The following SLC25A40 variants were observed in gnomAD, a reference collection of about 807,000 sequenced individuals.
SLC25A40 encodes solute carrier family 25 member 40.
SLC25A40 carries 41 observed loss-of-function variants against 46.5 expected under a neutral mutation model. That is an observed-to-expected ratio of 0.88 (90% CI 0.69 to 1.14). The LOEUF is 1.14. Ranked by LOEUF, SLC25A40 falls within the 50% of genes most tolerant of loss-of-function variation. SLC25A40 has a pLI of 0.00. For synonymous variants in SLC25A40, 126 were observed against 127.5 expected (o/e 0.99, Z 0.08); for missense variants, 386 against 393.6 (o/e 0.98, Z 0.16).
At position 87,858,832 on chromosome 7, in the gene SLC25A40, G is replaced by A. The variant is rs535739660; in HGVS notation, c.-24-81C>T. Reference sequence around the variant, plus strand: ...AACATCCTTCAGCTAAGCTGGGTGAGCAGCATCACATTAGTAAGACAACTA... The same window carrying A: ...AACATCCTTCAGCTAAGCTGGGTGAACAGCATCACATTAGTAAGACAACTA... On this transcript the variant is annotated intron_variant, in intron 2 of 11. Transcript: ENST00000341119. 5 of 744,950 alleles carry A rather than the reference G, an allele frequency of 6.7e-6. No homozygotes were observed. The East Asian group carries it at 1.3e-4, about 20-fold the overall frequency. 46.1% of individuals were successfully genotyped at this position (744,950 alleles called of 1,614,324 possible).
At chr7:87,853,073 A>G (rs1281687708) in intron 5 of SLC25A40, among the ~76,000 whole-genome samples, 1 of 152,222 alleles carries the variant, frequency 6.6e-6, no homozygotes, top group East Asian at 1.9e-4. Flanking sequence ...GGAAAAAAAT[A>G]TTTGCAAACC....
chr7:87,836,673 G>T, intron 11 of SLC25A40, 57 bp downstream of exon 11: 1 of 1,151,024 alleles, frequency 8.7e-7, no homozygotes, highest in Non-Finnish European at 1.2e-6. Context: ...ATTTTAGAAG[G>T]TAATATTTTA....
intron 8 of SLC25A40, among the ~76,000 whole-genome samples, chr7:87,846,098 AT>A (rs1449864452): frequency 6.6e-6 from 1 of 152,222 alleles, no homozygotes; most frequent in East Asian, 1.9e-4. Flanking sequence ...AAACAGTTAC[AT>A]ATAACACAAG....
intron 1 of SLC25A40, among the ~76,000 whole-genome samples, chr7:87,871,027 C>G (rs1007535123): frequency 6.6e-6 from 1 of 152,126 alleles, no homozygotes; most frequent in East Asian, 1.9e-4. Flanking sequence ...CACAGGCATC[C>G]CTCTCCTAGA....
rs1415766235 is a variant in SLC25A40 at position 87,833,594 on chromosome 7, A to AAAG, written c.*2652_*2654dup. 1 of 152,040 alleles carries AAAG rather than the reference A, an allele frequency of 6.6e-6. No individual in the cohort carries two copies. Among genetic ancestry groups the AAAG allele is most frequent in the African/African-American group, 2.4e-5 (1 of 41,438 alleles). 9.4% of individuals were successfully genotyped at this position (152,040 alleles called of 1,614,324 possible). A position where few individuals can be genotyped will look rare whatever the true frequency, so the allele number is the denominator to read the frequency against. ...AAAAGCAGTAATATCTTTTATTTAA[A>AAAG]AAGTTCATCTTAGAAGAAAATTCAA... On this transcript the variant is annotated 3_prime_UTR_variant, in exon 12 of 12. Coordinates refer to ENST00000341119, the MANE Select transcript of SLC25A40 (RefSeq NM_018843.4).
chr7:87,857,976 G>T (rs948814600), intron 3 of SLC25A40, among the ~76,000 whole-genome samples: 7 of 152,142 alleles, frequency 4.6e-5, no homozygotes, highest in African/African-American at 1.2e-4. Context: ...CCCTGGGGAA[G>T]GAATGCATTC....
chr7:87,836,372 A>C lies in SLC25A40; in HGVS notation c.905-11T>G. 6.9e-7 allele frequency: 1 copy of C among 1,446,932 alleles called. No individual in the cohort carries two copies. The highest frequency in any genetic ancestry group is 9.2e-7 in the Non-Finnish European group (1 of 1,083,436). The allele number at this position is 1,446,932 out of a possible 1,614,324, so 89.6% of individuals were successfully genotyped here. A position where few individuals can be genotyped will look rare whatever the true frequency, so the allele number is the denominator to read the frequency against. ...AGCGAGGAATTAGGCCTGAGAAAAG[A>C]ATAGGAATAATCAAAACAAATATTT... On this transcript the variant is annotated splice_polypyrimidine_tract_variant and intron_variant, in intron 11 of 11. Transcript: ENST00000341119.
chr7:87,872,728 G>A (rs760606219), intron 1 of SLC25A40, among the ~76,000 whole-genome samples: 21 of 152,226 alleles, frequency 1.4e-4, no homozygotes, highest in Non-Finnish European at 2.8e-4. Context: ...TTGGGAGGTC[G>A]AGGCTGGCGG....
chr7:87,854,419 G>T, intron 4 of SLC25A40, 109 bp from the exon 5 acceptor site: 1 of 658,332 alleles, frequency 1.5e-6, no homozygotes, highest in South Asian at 2.0e-5. Context: ...TACGAAAAGA[G>T]AAACAATCTT....
intron 1 of SLC25A40, among the ~76,000 whole-genome samples, chr7:87,872,114 T>C (rs2131026187): frequency 1.3e-5 from 2 of 152,336 alleles, no homozygotes; most frequent in Admixed American, 1.3e-4. Context: ...TCTTCCAAAT[T>C]TATCTATAGA....
chr7:87,854,705 G>A (rs924609505), intron 4 of SLC25A40, among the ~76,000 whole-genome samples: 152 of 148,968 alleles, frequency 1.0e-3, no homozygotes, highest in African/African-American at 3.6e-3. Context: ...CCAGCTACTC[G>A]GGAGGCTGAG....
chr7:87,845,540 GC>G (rs556114947), intron 8 of SLC25A40, among the ~76,000 whole-genome samples: 125 of 152,086 alleles, frequency 8.2e-4, no homozygotes, highest in African/African-American at 3.0e-3. Context: ...AATCACACAC[GC>G]GCTCATGCAC....
chr7:87,836,257 G>T lies in SLC25A40; in HGVS notation c.1009C>A (p.Gln337Lys). ...AAGTTGAAACAGCATCACTAGTATT[G>T]CTGCCTTCGAACATTTTGTTTCTGG... ...FFQKQNVRRQ[Q>K]Y The change falls in exon 12 of 12, where the codon CAA becomes AAA. Residue 337 changes from glutamine (Q) to lysine (K), a missense_variant. Gln to Lys is a moderately conservative substitution (Grantham distance 53). Coordinates refer to ENST00000341119, the MANE Select transcript of SLC25A40 (RefSeq NM_018843.4). The T allele has an allele frequency of 6.3e-7, 1 of 1,581,608 alleles. No individual in the cohort carries two copies. The highest frequency in any genetic ancestry group is 1.2e-5 in the South Asian group (1 of 86,056).
At chr7:87,836,688 T>G in intron 11 of SLC25A40, 42 bp downstream of exon 11, 1 of 1,284,096 alleles carries the variant, frequency 7.8e-7, no homozygotes, top group Non-Finnish European at 1.1e-6. Flanking sequence ...ATTTTAAAAG[T>G]AATCATTCTA....
intron 8 of SLC25A40, among the ~76,000 whole-genome samples, chr7:87,844,834 A>T (rs1410680877): frequency 1.3e-5 from 2 of 152,186 alleles, no homozygotes; most frequent in Non-Finnish European, 2.9e-5. Context: ...AATGTCAAAA[A>T]AAAAGAGATG....
At chr7:87,863,063 T>A (rs1445857520) in intron 1 of SLC25A40, among the ~76,000 whole-genome samples, 1 of 152,224 alleles carries the variant, frequency 6.6e-6, no homozygotes, top group Non-Finnish European at 1.5e-5. Flanking sequence ...TCTCTGCATA[T>A]TTTTATCAGT....
At position 87,841,652 on chromosome 7, in the gene SLC25A40, C is replaced by T; in HGVS notation, c.804G>A (p.Trp268Ter). 1.3e-6 allele frequency: 2 copies of T among 1,518,634 alleles called. No individual in the cohort carries two copies. Among genetic ancestry groups the T allele is most frequent in the South Asian group, 2.7e-5 (2 of 72,758 alleles). 94.1% of individuals were successfully genotyped at this position (1,518,634 alleles called of 1,614,324 possible). ...ACTTACTTTTATGACTTTCATATGT[C>T]CAAAGTTGTGTCTGCTTTTGTGTTT... ...VVKTQKQTQLWTYESHKISMP... is the reference protein window; with the variant it reads ...VVKTQKQTQL Residue 268 changes from tryptophan (W) to a stop codon, truncating the protein, a stop_gained, in exon 10 of 12, where the codon TGG (tryptophan) becomes TGA (stop). Coordinates refer to ENST00000341119, the MANE Select transcript of SLC25A40 (RefSeq NM_018843.4). LOFTEE classifies it high-confidence loss of function.
At chr7:87,844,442 T>C (rs1270878881) in intron 8 of SLC25A40, among the ~76,000 whole-genome samples, 1 of 152,000 alleles carries the variant, frequency 6.6e-6, no homozygotes. Flanking sequence ...AGAACATGCA[T>C]CAAAAACCTA....
chr7:87,841,793 A>G (rs773601405), intron 9 of SLC25A40, 79 bp from the exon 10 acceptor site: 31 of 740,620 alleles, frequency 4.2e-5, no homozygotes, highest in Non-Finnish European at 5.9e-5. Flanking sequence ...TCTTATTAGT[A>G]TATTATTTAA....
Sources: gnomAD v4.1 joint callset for allele counts (sites outside exome capture counted in the v4.1 genomes callset) on GRCh38, gnomAD v4.1.1 for gene constraint, MANE v1.5 for transcripts, NCBI Gene and HGNC (gene_info 2026-07-23, HGNC 2026-07-21) for gene names.